The following NOS1AP variants were observed in gnomAD, a reference collection of about 807,000 sequenced individuals.
The protein encoded by NOS1AP is carboxyl-terminal PDZ ligand of neuronal nitric oxide synthase protein.
Under a neutral mutation model 56.2 loss-of-function variants are expected in NOS1AP, and 21 were observed. That is an observed-to-expected ratio of 0.37 (90% CI 0.26 to 0.54). The LOEUF is 0.54. Ranked by LOEUF, NOS1AP falls within the 20% of genes least tolerant of loss-of-function variation. The pLI is 0.84. For missense variants in NOS1AP, 522 were observed against 657.8 expected, an observed-to-expected ratio of 0.79 and a Z score of 2.26; for synonymous variants, 270 against 274.6, an observed-to-expected ratio of 0.98 and a Z score of 0.17.
At chr1:162,117,251 G>T (rs1410867970) in intron 1 of NOS1AP, among the ~76,000 whole-genome samples, 1 of 152,114 alleles carries the variant, frequency 6.6e-6, no homozygotes, top group Non-Finnish European at 1.5e-5. Context: ...CCATACATTG[G>T]TCCTGTCTTT....
chr1:162,313,803 AGTG>A (rs1298069045), intron 4 of NOS1AP, among the ~76,000 whole-genome samples: 2 of 152,172 alleles, frequency 1.3e-5, no homozygotes, highest in Non-Finnish European at 2.9e-5. Context: ...AGGAGGCCCC[AGTG>A]ATCTCAGGTT....
chr1:162,120,141 GTATA>G (rs975882678), intron 1 of NOS1AP, among the ~76,000 whole-genome samples: 3 of 151,490 alleles, frequency 2.0e-5, no homozygotes, highest in Non-Finnish European at 4.4e-5. Flanking sequence ...ACATGTATGT[GTATA>G]TATATGTATA....
At chr1:162,346,073 T>C (rs1657285933) in intron 6 of NOS1AP, among the ~76,000 whole-genome samples, 1 of 152,168 alleles carries the variant, frequency 6.6e-6, no homozygotes, top group Admixed American at 6.5e-5. Flanking sequence ...TGTTTGCAAA[T>C]TTAGTGTATG....
intron 4 of NOS1AP, among the ~76,000 whole-genome samples, chr1:162,309,955 G>T (rs1175485704): frequency 6.6e-6 from 1 of 152,120 alleles, no homozygotes; most frequent in Non-Finnish European, 1.5e-5. Context: ...TAAGGGAAAT[G>T]CTGTAATATT....
intron 4 of NOS1AP, among the ~76,000 whole-genome samples, chr1:162,305,120 A>T (rs1655780736): frequency 6.6e-6 from 1 of 152,076 alleles, no homozygotes; most frequent in South Asian, 2.1e-4. Context: ...TATATTTTTT[A>T]ATTGTGGTGA....
At chr1:162,300,778 A>G (rs1655624768) in intron 4 of NOS1AP, 72 bp downstream of exon 4, 1 of 1,336,198 alleles carries the variant, frequency 7.5e-7, no homozygotes, top group Non-Finnish European at 1.1e-6. Context: ...GCCACCTGTC[A>G]GGCTGGTGGA....
chr1:162,330,949 G>C (rs1057169340), intron 4 of NOS1AP, among the ~76,000 whole-genome samples: 18 of 152,156 alleles, frequency 1.2e-4, no homozygotes, highest in Admixed American at 6.5e-4. Flanking sequence ...TGGGTTTCTG[G>C]CTTGAGTAGG....
Position 162,070,104 on chromosome 1 carries a change from TC to T in NOS1AP, c.-70del. 8.1e-7 allele frequency: 1 copy of T among 1,233,066 alleles called. No homozygotes were observed. The highest frequency in any genetic ancestry group is 1.2e-6 in the Non-Finnish European group (1 of 840,414). 76.4% of individuals were successfully genotyped at this position (1,233,066 alleles called of 1,614,324 possible). ...CGCGTCGCCGCGCCCAGCTCCAGTC[TC>T]CCCTCCCCGGGGTCTCGCCAGCCCC... On this transcript the variant is annotated 5_prime_UTR_variant, in exon 1 of 10. Transcript: ENST00000361897.
At chr1:162,097,723 C>G (rs916323885) in intron 1 of NOS1AP, among the ~76,000 whole-genome samples, 10 of 152,162 alleles carry the variant, frequency 6.6e-5, no homozygotes, top group Non-Finnish European at 7.3e-5. Flanking sequence ...CTGTTGATCT[C>G]TCCTTCATTT....
chr1:162,328,726 C>T (rs1656670720), intron 4 of NOS1AP, among the ~76,000 whole-genome samples: 1 of 152,248 alleles, frequency 6.6e-6, no homozygotes, highest in Non-Finnish European at 1.5e-5. Flanking sequence ...TGTTCTCAGC[C>T]ATTTTCCTCC....
chr1:162,221,940 T>C (rs951874394), intron 2 of NOS1AP, among the ~76,000 whole-genome samples: 1 of 152,204 alleles, frequency 6.6e-6, no homozygotes, highest in Non-Finnish European at 1.5e-5. Context: ...TAATGTTCTG[T>C]TATATAGATT....
intron 2 of NOS1AP, 22 bp downstream of exon 2, chr1:162,154,498 G>C (rs1649848828): frequency 6.8e-6 from 11 of 1,612,974 alleles, no homozygotes; most frequent in Non-Finnish European, 8.5e-6. Flanking sequence ...GAGGTGGACT[G>C]TGTGGAGCGG....
intron 2 of NOS1AP, among the ~76,000 whole-genome samples, chr1:162,173,577 A>G (rs866964597): frequency 6.6e-6 from 1 of 152,230 alleles, no homozygotes; most frequent in Non-Finnish European, 1.5e-5. Context: ...ATGGGATCCA[A>G]TTAAACTAAA....
chr1:162,274,310 CAT>C (rs907662715), intron 2 of NOS1AP, among the ~76,000 whole-genome samples: 1 of 152,114 alleles, frequency 6.6e-6, no homozygotes, highest in Non-Finnish European at 1.5e-5. Flanking sequence ...GTGAACAAAA[CAT>C]GTGGTTTATT....
chr1:162,327,309 G>A (rs1172118294), intron 4 of NOS1AP, among the ~76,000 whole-genome samples: 2 of 152,192 alleles, frequency 1.3e-5, no homozygotes, highest in African/African-American at 4.8e-5. Flanking sequence ...ACTACCATGT[G>A]TCCAGGCCTG....
intron 2 of NOS1AP, among the ~76,000 whole-genome samples, chr1:162,260,845 A>C (rs1571169274): frequency 6.6e-6 from 1 of 152,278 alleles, no homozygotes; most frequent in South Asian, 2.1e-4. Context: ...TAATAAGTTC[A>C]TCTCAATTTT....
intron 2 of NOS1AP, among the ~76,000 whole-genome samples, chr1:162,224,592 T>A (rs1652882973): frequency 1.3e-5 from 2 of 152,106 alleles, no homozygotes; most frequent in Non-Finnish European, 2.9e-5. Context: ...AAGAGCAATA[T>A]CTCTTCTGAT....
intron 1 of NOS1AP, among the ~76,000 whole-genome samples, chr1:162,122,097 C>T (rs1648264477): frequency 1.3e-5 from 2 of 152,222 alleles, no homozygotes; most frequent in East Asian, 3.9e-4. Flanking sequence ...AGAGAAGCTC[C>T]CATTGATTAT....
intron 2 of NOS1AP, among the ~76,000 whole-genome samples, chr1:162,177,674 A>AT (rs1353059793): frequency 6.6e-6 from 1 of 152,128 alleles, no homozygotes; most frequent in African/African-American, 2.4e-5. Flanking sequence ...TGATTTTTCT[A>AT]TTTTTTAAAA....
Sources: allele counts gnomAD v4.1 joint callset (sites outside exome capture counted in the v4.1 genomes callset), GRCh38; gene constraint gnomAD v4.1.1; transcripts MANE v1.5; gene names NCBI Gene and HGNC (gene_info 2026-07-23, HGNC 2026-07-21).